The following EIF2AK1 variants were observed in gnomAD, a reference collection of about 807,000 sequenced individuals.
The protein encoded by EIF2AK1 is eukaryotic translation initiation factor 2 alpha kinase 1, also known as eukaryotic translation initiation factor 2-alpha kinase 1.
A neutral mutation model predicts 77.9 loss-of-function variants in EIF2AK1; 54 were observed. The observed-to-expected ratio is 0.69, with a 90% CI of 0.56 to 0.87. The LOEUF is 0.87. EIF2AK1 is among the 40% of genes least tolerant of loss of function. The pLI is 0.00. For missense variants in EIF2AK1, 810 were observed against 768.6 expected, an observed-to-expected ratio of 1.05 and a Z score of -0.64; for synonymous variants, 314 against 290.5, an observed-to-expected ratio of 1.08 and a Z score of -0.82.
chr7:6,034,194 C>G (rs1788002398), intron 11 of EIF2AK1, among the ~76,000 whole-genome samples: 1 of 151,948 alleles, frequency 6.6e-6, no homozygotes, highest in Admixed American at 6.6e-5. Context: ...GTAGTCCCAG[C>G]TACTCGGGAG....
chr7:6,036,291 T>G lies in EIF2AK1; in HGVS notation c.1332+1133A>C. ...CTGCAAAAGAAACATCAGGAATATT[T>G]ATGGTGAGAAATACAAACAGCACTT... On this transcript the variant is annotated intron_variant, in intron 11 of 14. Coordinates refer to ENST00000199389, the MANE Select transcript of EIF2AK1 (RefSeq NM_014413.4). This position sits in a 1 kb window ranked among gnomAD's most constrained non-coding sequence, Gnocchi z 4.6. The G allele has an allele frequency of 6.5e-7, 1 of 1,548,768 alleles. No homozygotes were observed. Among genetic ancestry groups the G allele is most frequent in the Non-Finnish European group, 8.7e-7 (1 of 1,146,602 alleles).
Position 6,024,329 on chromosome 7 carries a change from G to A in EIF2AK1, c.*344C>T, listed in dbSNP as rs1386358427. 3.3e-6 allele frequency: 4 copies of A among 1,220,516 alleles called. No individual in the cohort carries two copies. The highest frequency in any genetic ancestry group is 1.6e-5 in the African/African-American group (1 of 63,730). 75.6% of individuals were successfully genotyped at this position (1,220,516 alleles called of 1,614,324 possible). ...CAGTCCAGTGAGTATGTGCAGGCCC[G>A]GGCTTGGGCAGTGACGAGGGCAGGG... On this transcript the variant is annotated 3_prime_UTR_variant, in exon 15 of 15. Transcript: ENST00000199389.
chr7:6,023,341 T>C lies in EIF2AK1; in HGVS notation c.*1332A>G. The C allele has an allele frequency of 6.2e-7, 1 of 1,609,862 alleles. No homozygotes were observed. Among genetic ancestry groups the C allele is most frequent in the Non-Finnish European group, 8.5e-7 (1 of 1,178,744 alleles). Reference sequence around the variant, plus strand: ...GATGAAATTCAGCATCCAGACGATGTGCCCCATCGAAGGCGAAGGGAACAT... The same window carrying C: ...GATGAAATTCAGCATCCAGACGATGCGCCCCATCGAAGGCGAAGGGAACAT... On this transcript the variant is annotated 3_prime_UTR_variant, in exon 15 of 15. Coordinates refer to ENST00000199389, the MANE Select transcript of EIF2AK1 (RefSeq NM_014413.4).
intron 11 of EIF2AK1, chr7:6,031,691 T>A: frequency 8.3e-7 from 1 of 1,210,012 alleles, no homozygotes; most frequent in East Asian, 2.6e-5. Flanking sequence ...ACGGCCCTTA[T>A]GAGAATGAGA....
chr7:6,049,400 G>A (rs1284580403), intron 3 of EIF2AK1, among the ~76,000 whole-genome samples: 1 of 152,056 alleles, frequency 6.6e-6, no homozygotes, highest in Non-Finnish European at 1.5e-5. Context: ...AAAATTAGTT[G>A]GGTGTGGTGG....
In EIF2AK1 at chr7:6,022,410, C is replaced by T. The variant is rs1249591949; in HGVS notation, c.*2263G>A. 1 of 152,152 alleles carries T rather than the reference C, an allele frequency of 6.6e-6. No individual in the cohort carries two copies. 9.4% of individuals were successfully genotyped at this position (152,152 alleles called of 1,614,324 possible). ...TCAGAAGTTTTATGTGGATTTTCGA[C>T]TGCACAGCAGTCGGGGGTCAGTGTC... On this transcript the variant is annotated 3_prime_UTR_variant, in exon 15 of 15. Transcript: ENST00000199389.
chr7:6,049,459 C>T (rs1788542279), intron 3 of EIF2AK1, among the ~76,000 whole-genome samples: 1 of 152,110 alleles, frequency 6.6e-6, no homozygotes, highest in South Asian at 2.1e-4. Flanking sequence ...AGGAGAATCC[C>T]TTGAATCTGG....
In EIF2AK1 at chr7:6,036,168, C is replaced by A; in HGVS notation, c.1332+1256G>T. ...TTATCCTCTGAGAATGACCAATAAC[C>A]AAGGAATTCTACCTGCAGGAATCAT... On this transcript the variant is annotated intron_variant, in intron 11 of 14. Transcript: ENST00000199389. This position sits in a 1 kb window ranked among gnomAD's most constrained non-coding sequence, Gnocchi z 4.6. 1 of 1,549,890 alleles carries A rather than the reference C, an allele frequency of 6.5e-7. No homozygotes were observed. Among genetic ancestry groups the A allele is most frequent in the South Asian group, 1.2e-5 (1 of 84,038 alleles).
chr7:6,032,438 C>T lies in EIF2AK1; in HGVS notation c.1333-3406G>A, dbSNP rs1384169708. On this transcript the variant is annotated intron_variant, in intron 11 of 14. Transcript: ENST00000199389. The surrounding 1 kb of genome is among the most constrained non-coding windows in gnomAD (Gnocchi z 4.3). ...GAAAACCCTGAAGATTCAGGTTTTA[C>T]TGCTGATAATACGACTTTGGCAACG... is the stretch of plus-strand genomic sequence containing the variant. Among the ~76,000 whole-genome samples, 1 of 152,200 alleles carries T rather than the reference C, an allele frequency of 6.6e-6. No individual in the cohort carries two copies. Among genetic ancestry groups the T allele is most frequent in the Non-Finnish European group, 1.5e-5 (1 of 68,044 alleles).
rs1431281043 is a variant in EIF2AK1 at position 6,040,998 on chromosome 7, A to C, written c.1013T>G (p.Ile338Ser). 2 of 1,614,198 alleles carry C rather than the reference A, an allele frequency of 1.2e-6. No homozygotes were observed. Among genetic ancestry groups the C allele is most frequent in the Admixed American group, 1.7e-5 (1 of 60,016 alleles). ...CCTGAGTGGCAGCTGCTGTTCCACA[A>C]TTGAACTGGCAGACAAACCAGCCAA... ...NGLAGLSASS[I>S]VEQQLPLRRN... Residue 338 changes from isoleucine to serine, a missense_variant, in exon 9 of 15, where the codon ATT becomes AGT. Physicochemically the swap from Ile to Ser is moderately radical, Grantham distance 142 (BLOSUM62 -2). Coordinates refer to ENST00000199389, the MANE Select transcript of EIF2AK1 (RefSeq NM_014413.4).
chr7:6,051,641 G>C lies in EIF2AK1; in HGVS notation c.278-1596C>G, dbSNP rs185874538. On this transcript the variant is annotated intron_variant, in intron 2 of 14. Transcript: ENST00000199389. ...GATGGGGTTTCACCATGTTGGCCAG[G>C]CTGGTCTCGAACACCTGACCTCGTG... 1.2e-3 allele frequency among the ~76,000 whole-genome samples: 177 copies of C among 151,900 alleles called. 1 individual carries two copies. Among genetic ancestry groups the C allele is most frequent in the African/African-American group, 4.1e-3 (170 of 41,454 alleles).
At chr7:6,052,553 A>G (rs1321350563) in intron 2 of EIF2AK1, among the ~76,000 whole-genome samples, 1 of 150,802 alleles carries the variant, frequency 6.6e-6, no homozygotes, top group African/African-American at 2.4e-5. Flanking sequence ...AAGACCACAT[A>G]AAAGTATCTA....
rs1337138427 is a variant in EIF2AK1, at chr7:6,026,867, G to A, written c.1625C>T (p.Thr542Ile). Residue 542 changes from threonine to isoleucine, a missense_variant, in exon 14 of 15, where the codon ACT (threonine) becomes ATT (isoleucine). Physicochemically the swap from Thr to Ile is moderately conservative, Grantham distance 89 (BLOSUM62 -1). Around this residue, in one of 3 missense-constraint regions of EIF2AK1, gnomAD observed 549 missense variants for 533.7 expected, o/e 1.03. Coordinates refer to ENST00000199389, the MANE Select transcript of EIF2AK1 (RefSeq NM_014413.4). ...ACGGAGGGATTCCGGCAACTGACCA[G>A]TTCTTAAACCTGTTAGAACTTCTGC... ...ERAEVLTGLR[T>I]GQLPESLRKR... 6.2e-7 allele frequency: 1 copy of A among 1,614,030 alleles called. No individual in the cohort carries two copies. The highest frequency in any genetic ancestry group is 8.5e-7 in the Non-Finnish European group (1 of 1,180,050).
intron 10 of EIF2AK1, among the ~76,000 whole-genome samples, chr7:6,038,259 G>C (rs775319945): frequency 3.9e-5 from 6 of 152,016 alleles, no homozygotes; most frequent in Admixed American, 1.3e-4. Flanking sequence ...ATGAGACCCT[G>C]TCTCTACAAA....
Position 6,024,121 on chromosome 7 carries a change from G to A in EIF2AK1, c.*552C>T. The A allele has an allele frequency of 2.3e-6, 3 of 1,296,014 alleles. No homozygotes were observed. In the South Asian group the frequency reaches 3.7e-5, roughly 16 times the overall value. 80.3% of individuals were successfully genotyped at this position (1,296,014 alleles called of 1,614,324 possible). The stretch of plus-strand genomic sequence containing the variant: ...GTTTTGGAATGACGCTAAACTGAAG[G>A]TGGAGAGAACAGATAAAAAGGTTGG... On this transcript the variant is annotated 3_prime_UTR_variant, in exon 15 of 15. Coordinates refer to ENST00000199389, the MANE Select transcript of EIF2AK1 (RefSeq NM_014413.4).
intron 11 of EIF2AK1, among the ~76,000 whole-genome samples, chr7:6,030,889 A>C (rs946975077): frequency 7.2e-5 from 11 of 152,338 alleles, no homozygotes; most frequent in African/African-American, 9.6e-5. Flanking sequence ...TTATTTAAGC[A>C]AAGAGTACAG....
At position 6,024,558 on chromosome 7, in the gene EIF2AK1, C is replaced by CT; in HGVS notation, c.*114dup. On this transcript the variant is annotated 3_prime_UTR_variant, in exon 15 of 15. Coordinates refer to ENST00000199389, the MANE Select transcript of EIF2AK1 (RefSeq NM_014413.4). ...ACGGCAGCTTGGGGCACTCTGACAT[C>CT]TTTAACAAGTCTTGTAAAGGCTTAC... is the stretch of plus-strand genomic sequence containing the variant. 6.5e-7 allele frequency: 1 copy of CT among 1,529,736 alleles called. No individual in the cohort carries two copies. The highest frequency in any genetic ancestry group is 8.7e-7 in the Non-Finnish European group (1 of 1,145,894). The allele number at this position is 1,529,736 out of a possible 1,614,324, so 94.8% of individuals were successfully genotyped here.
Position 6,036,736 on chromosome 7 carries a change from A to G in EIF2AK1, c.1332+688T>C, listed in dbSNP as rs992550199. Reference sequence around the variant, plus strand: ...TATAGACTTTTCTAAAACAGCAAAAAAACTTCCGATTTTGTTAAACTTTAA... The same window carrying G: ...TATAGACTTTTCTAAAACAGCAAAAGAACTTCCGATTTTGTTAAACTTTAA... On this transcript the variant is annotated intron_variant, in intron 11 of 14. Transcript: ENST00000199389. The surrounding 1 kb of genome is among the most constrained non-coding windows in gnomAD (Gnocchi z 4.6). Among the ~76,000 whole-genome samples the G allele has an allele frequency of 3.9e-5, 6 of 152,182 alleles. No individual in the cohort carries two copies. Among genetic ancestry groups the G allele is most frequent in the Non-Finnish European group, 7.3e-5 (5 of 68,044 alleles).
chr7:6,031,302 A>C, intron 11 of EIF2AK1: 1 of 1,373,468 alleles, frequency 7.3e-7, no homozygotes, highest in South Asian at 1.3e-5. Context: ...ACTGAACTGA[A>C]AGAATCATCA....
Sources: gnomAD v4.1 joint callset for allele counts (sites outside exome capture counted in the v4.1 genomes callset) on GRCh38, gnomAD v4.1.1 for gene constraint, gnomAD v4.1.1 regional missense constraint, Gnocchi (gnomAD v3.1) non-coding constraint, MANE v1.5 for transcripts, NCBI Gene and HGNC (gene_info 2026-07-23, HGNC 2026-07-21) for gene names.